Variants in THSD7A observed in about 807,000 individuals in gnomAD.
THSD7A encodes the protein thrombospondin type-1 domain-containing protein 7A.
A neutral mutation model predicts 231.3 loss-of-function variants in THSD7A; 96 were observed. The observed-to-expected ratio is 0.41, with a 90% CI of 0.35 to 0.49. The LOEUF (loss-of-function observed/expected upper bound fraction) is 0.49, where lower values mean the gene tolerates loss of function less well. Among genes scored for constraint, THSD7A ranks in the 20% least tolerant of loss-of-function variants. THSD7A has a pLI of 0.05. For synonymous variants in THSD7A, 940 were observed against 743.3 expected, an observed-to-expected ratio of 1.26 and a Z score of -4.30; for missense variants, 2,290 against 2,070.2, an observed-to-expected ratio of 1.11 and a Z score of -2.06.
At chr7:11,676,066 G>A (rs948410255) in intron 1 of THSD7A, among the ~76,000 whole-genome samples, 4 of 152,304 alleles carry the variant, frequency 2.6e-5, no homozygotes, top group African/African-American at 9.6e-5. Flanking sequence ...TCCAAAAGAA[G>A]GAGCAAGCAG....
At chr7:11,679,334 G>T (rs1370640007) in intron 1 of THSD7A, among the ~76,000 whole-genome samples, 1 of 152,120 alleles carries the variant, frequency 6.6e-6, no homozygotes, top group Non-Finnish European at 1.5e-5. Context: ...ACATATTATT[G>T]ATAATTCTGG....
chr7:11,515,329 A>G (rs1787985730), intron 6 of THSD7A, among the ~76,000 whole-genome samples: 1 of 152,160 alleles, frequency 6.6e-6, no homozygotes, highest in Admixed American at 6.5e-5. Context: ...CAACTGTAAG[A>G]GATGATGATG....
intron 16 of THSD7A, 95 bp downstream of exon 16, chr7:11,424,601 G>C (rs546729408): frequency 6.5e-7 from 1 of 1,526,758 alleles, no homozygotes; most frequent in Admixed American, 1.9e-5. Flanking sequence ...ATTTTATCCA[G>C]AAGACTGGGG....
At chr7:11,475,798 T>C (rs899029796) in intron 7 of THSD7A, among the ~76,000 whole-genome samples, 6 of 150,966 alleles carry the variant, frequency 4.0e-5, no homozygotes, top group Non-Finnish European at 8.9e-5. Context: ...TGAAGATAAT[T>C]ATTTGAGAAA....
chr7:11,692,278 A>C (rs570838284), intron 1 of THSD7A, among the ~76,000 whole-genome samples: 58 of 151,754 alleles, frequency 3.8e-4, no homozygotes, highest in African/African-American at 1.3e-3. Context: ...CTATGGAAGC[A>C]TGCATTTACA....
chr7:11,404,291 ATGAG>A (rs746116319), intron 22 of THSD7A, among the ~76,000 whole-genome samples: 8 of 152,196 alleles, frequency 5.3e-5, no homozygotes, highest in Non-Finnish European at 1.5e-5. Flanking sequence ...TAACAGTCAA[ATGAG>A]TGAGTGTGTG....
intron 1 of THSD7A, among the ~76,000 whole-genome samples, chr7:11,694,139 T>G (rs1015016212): frequency 4.6e-5 from 7 of 151,576 alleles, no homozygotes; most frequent in African/African-American, 1.7e-4. Context: ...TCCCAGAGTC[T>G]CATTTTGTTG....
intron 2 of THSD7A, among the ~76,000 whole-genome samples, chr7:11,596,111 C>G (rs188221022): frequency 2.0e-3 from 309 of 152,322 alleles, no homozygotes; most frequent in African/African-American, 7.1e-3. Flanking sequence ...AGACCCAGAA[C>G]CTCTTGAATG....
intron 1 of THSD7A, among the ~76,000 whole-genome samples, chr7:11,673,929 C>T (rs985633929): frequency 6.6e-6 from 1 of 152,056 alleles, no homozygotes; most frequent in East Asian, 1.9e-4. Flanking sequence ...AAAGCCCAGG[C>T]TGGAGAAGTC....
chr7:11,786,367 T>G (rs898288265), intron 1 of THSD7A, among the ~76,000 whole-genome samples: 2 of 152,066 alleles, frequency 1.3e-5, no homozygotes, highest in Admixed American at 1.3e-4. Flanking sequence ...GATTCTGTCA[T>G]TAAACAAACA....
At chr7:11,515,871 G>C (rs6954624) in intron 6 of THSD7A, among the ~76,000 whole-genome samples, 12,579 of 152,176 alleles carry the variant, frequency 0.083, 656 homozygotes, top group African/African-American at 0.14. Flanking sequence ...GTACTGCTTT[G>C]GCTAAGTGAG....
At chr7:11,773,989 A>C (rs1783320915) in intron 1 of THSD7A, among the ~76,000 whole-genome samples, 1 of 152,200 alleles carries the variant, frequency 6.6e-6, no homozygotes, top group Non-Finnish European at 1.5e-5. Flanking sequence ...ACCTAATAAT[A>C]ATCGGGAAAT....
chr7:11,532,460 A>T (rs1404906467), intron 6 of THSD7A, among the ~76,000 whole-genome samples: 1 of 152,150 alleles, frequency 6.6e-6, no homozygotes, highest in African/African-American at 2.4e-5. Flanking sequence ...AGGCAAGAAG[A>T]CTGTTAGTGA....
chr7:11,406,484 AG>A lies in THSD7A; in HGVS notation c.4063-11del. The stretch of plus-strand genomic sequence containing the variant: ...CTCCACACTGGGCCTCCTGGAATGG[AG>A]GAAGAAATAACTAATTAGAAAAAGA... On this transcript the variant is annotated splice_polypyrimidine_tract_variant and intron_variant, in intron 21 of 27. Coordinates refer to ENST00000423059, the MANE Select transcript of THSD7A (RefSeq NM_015204.3). This position sits in a 1 kb window ranked among gnomAD's most constrained non-coding sequence, Gnocchi z 4.7. 6.2e-7 allele frequency: 1 copy of A among 1,600,266 alleles called. No homozygotes were observed. Among genetic ancestry groups the A allele is most frequent in the Non-Finnish European group, 8.5e-7 (1 of 1,174,804 alleles).
Position 11,814,991 on chromosome 7 carries a change from A to C in THSD7A, c.190+16766T>G, listed in dbSNP as rs1784634788. The stretch of plus-strand genomic sequence containing the variant: ...AACAAATGAAGCACAGTGCATAGAG[A>C]AATGTTGATGTTGGCTGGAAACATG... On this transcript the variant is annotated intron_variant, in intron 1 of 27. Transcript: ENST00000423059. The surrounding 1 kb of genome is among the most constrained non-coding windows in gnomAD (Gnocchi z 5.1). Among the ~76,000 whole-genome samples the C allele has an allele frequency of 6.6e-6, 1 of 152,064 alleles. No homozygotes were observed.
chr7:11,736,078 G>A (rs532802765), intron 1 of THSD7A, among the ~76,000 whole-genome samples: 1 of 151,750 alleles, frequency 6.6e-6, no homozygotes. Flanking sequence ...ATGTATACTA[G>A]ATTTTCATAT....
At chr7:11,415,708 T>G (rs1783936713) in intron 17 of THSD7A, among the ~76,000 whole-genome samples, 1 of 152,202 alleles carries the variant, frequency 6.6e-6, no homozygotes. Flanking sequence ...TTCCCCCATT[T>G]AAGGGAAAGT....
At chr7:11,540,925 A>G (rs12113763) in intron 6 of THSD7A, among the ~76,000 whole-genome samples, 24,445 of 152,114 alleles carry the variant, frequency 0.16, 2,001 homozygotes, top group Admixed American at 0.18. Context: ...AGGCTGTGGT[A>G]GGCCTCGTGG....
intron 1 of THSD7A, among the ~76,000 whole-genome samples, chr7:11,658,637 G>A (rs1038635432): frequency 6.6e-6 from 1 of 151,608 alleles, no homozygotes; most frequent in Admixed American, 6.6e-5. Context: ...TCTCCTAGGG[G>A]ACTCTTTACT....
Sources: allele counts gnomAD v4.1 joint callset (sites outside exome capture counted in the v4.1 genomes callset), GRCh38; gene constraint gnomAD v4.1.1; non-coding constraint Gnocchi (gnomAD v3.1); transcripts MANE v1.5; gene names NCBI Gene and HGNC (gene_info 2026-07-23, HGNC 2026-07-21).